OPCML: variants seen among roughly 807,000 people sequenced by gnomAD.
OPCML encodes the protein opioid binding protein/cell adhesion molecule like, also known as opioid-binding protein/cell adhesion molecule.
In OPCML, 13 loss-of-function variants were observed where a neutral mutation model predicts 37.8. The observed-to-expected ratio is 0.34, with a 90% CI of 0.22 to 0.55. The LOEUF is 0.55. Ranked by LOEUF, OPCML falls within the 20% of genes least tolerant of loss-of-function variation. The pLI is 0.91. For synonymous variants in OPCML, 176 were observed against 168.8 expected, an observed-to-expected ratio of 1.04 and a Z score of -0.33; for missense variants, 341 against 435.6, an observed-to-expected ratio of 0.78 and a Z score of 1.93.
In OPCML at chr11:133,479,593, G is replaced by A. The variant is rs140796947; in HGVS notation, c.61+52671C>T. The stretch of plus-strand genomic sequence containing the variant: ...TTCTTGCAGAGCTTGGAGGCAAGAA[G>A]GGCAGCACACCAAAGGAATCCTACA... On this transcript the variant is annotated intron_variant, in intron 1 of 7. Transcript: ENST00000524381. Among the ~76,000 whole-genome samples the A allele has an allele frequency of 2.4e-4, 36 of 152,290 alleles. 1 individual carries two copies. The East Asian group carries it at 7.0e-3, about 30-fold the overall frequency.
At position 133,421,552 on chromosome 11, in the gene OPCML, T is replaced by C. The variant is rs1001659103; in HGVS notation, c.61+110712A>G. On this transcript the variant is annotated intron_variant, in intron 1 of 7. Transcript: ENST00000524381. ...ATTGTTGCAAACTGTAGAGTTGGGA[T>C]TGTTGATTCAGCAACAGAGATAAAA... The C allele has an allele frequency of 1.3e-5, 13 of 985,348 alleles. No homozygotes were observed. In the African/African-American group the frequency reaches 2.1e-4, roughly 16 times the overall value. The allele number at this position is 985,348 out of a possible 1,614,324, so 61.0% of individuals were successfully genotyped here.
At chr11:132,655,557 G>A (rs1941663801) in intron 3 of OPCML, among the ~76,000 whole-genome samples, 1 of 152,248 alleles carries the variant, frequency 6.6e-6, no homozygotes, top group South Asian at 2.1e-4. Context: ...ATCTGTAGAT[G>A]TCTGTCGGAT....
intron 2 of OPCML, among the ~76,000 whole-genome samples, chr11:132,766,738 T>TA (rs1302751064): frequency 6.6e-6 from 1 of 151,848 alleles, no homozygotes; most frequent in African/African-American, 2.4e-5. Flanking sequence ...AGAAGAAGGC[T>TA]AAAACCATTA....
At chr11:132,879,187 A>G (rs888950430) in intron 2 of OPCML, among the ~76,000 whole-genome samples, 2 of 152,240 alleles carry the variant, frequency 1.3e-5, no homozygotes, top group Non-Finnish European at 2.9e-5. Flanking sequence ...TATTTCACAC[A>G]TATTTATAGA....
intron 1 of OPCML, among the ~76,000 whole-genome samples, chr11:133,054,340 G>T (rs913482422): frequency 2.6e-5 from 4 of 152,142 alleles, no homozygotes; most frequent in African/African-American, 9.7e-5. Context: ...TGTGGCACCT[G>T]CACCCTTTTC....
intron 1 of OPCML, among the ~76,000 whole-genome samples, chr11:133,397,473 C>T (rs974332925): frequency 1.3e-5 from 2 of 152,196 alleles, no homozygotes; most frequent in African/African-American, 4.8e-5. Flanking sequence ...GAGCGGACTT[C>T]AGATAGTCCT....
intron 3 of OPCML, among the ~76,000 whole-genome samples, chr11:132,588,777 T>C (rs1000524659): frequency 8.5e-5 from 13 of 152,200 alleles, no homozygotes; most frequent in African/African-American, 3.1e-4. Context: ...TGGCCACAGC[T>C]TCACCTGTAG....
chr11:133,166,228 A>G (rs1271705123), intron 1 of OPCML, among the ~76,000 whole-genome samples: 1 of 152,244 alleles, frequency 6.6e-6, no homozygotes, highest in Non-Finnish European at 1.5e-5. Flanking sequence ...TCAGTGCTCT[A>G]AATAAATTCT....
intron 1 of OPCML, among the ~76,000 whole-genome samples, chr11:133,255,288 A>G (rs919257228): frequency 6.6e-6 from 1 of 152,168 alleles, no homozygotes; most frequent in Non-Finnish European, 1.5e-5. Flanking sequence ...GGAGAGATTT[A>G]ATGATATTTT....
At chr11:132,713,781 G>A (rs1784182) in intron 2 of OPCML, among the ~76,000 whole-genome samples, 9,933 of 152,238 alleles carry the variant, frequency 0.065, 457 homozygotes, top group East Asian at 0.16. Flanking sequence ...TTTTGGGTAC[G>A]TTCTCCACCT....
In OPCML at chr11:132,982,636, C is replaced by T. The variant is rs545347443; in HGVS notation, c.62-39626G>A. On this transcript the variant is annotated intron_variant, in intron 1 of 7. Coordinates refer to ENST00000524381, the MANE Select transcript of OPCML (RefSeq NM_001012393.5). ...TTTGGATAAGTCACTTCACCCTTCA[C>T]CTTGGTTCCTCCTCTGAAATATAAG... Among the ~76,000 whole-genome samples, 3 of 152,236 alleles carry T rather than the reference C, an allele frequency of 2.0e-5. No homozygotes were observed. The South Asian group carries it at 6.2e-4, about 32-fold the overall frequency.
intron 1 of OPCML, among the ~76,000 whole-genome samples, chr11:133,137,141 GT>G (rs1949704787): frequency 6.6e-6 from 1 of 152,126 alleles, no homozygotes; most frequent in Admixed American, 6.5e-5. Flanking sequence ...GTTCTGGGAA[GT>G]GGGGGGCATT....
chr11:132,787,354 A>T (rs1267286693), intron 2 of OPCML, among the ~76,000 whole-genome samples: 1 of 152,210 alleles, frequency 6.6e-6, no homozygotes, highest in Non-Finnish European at 1.5e-5. Flanking sequence ...TACGGAATGA[A>T]GGTATTACAG....
intron 1 of OPCML, among the ~76,000 whole-genome samples, chr11:133,111,199 A>C (rs1275119897): frequency 3.9e-5 from 6 of 152,196 alleles, no homozygotes; most frequent in African/African-American, 1.4e-4. Flanking sequence ...AAAATGCACA[A>C]ATGTGCTATG....
At chr11:132,538,580 CG>C (rs1370544916) in intron 3 of OPCML, among the ~76,000 whole-genome samples, 1 of 152,172 alleles carries the variant, frequency 6.6e-6, no homozygotes, top group African/African-American at 2.4e-5. Flanking sequence ...CTGCATAAAA[CG>C]TTTATAAAAA....
chr11:133,322,197 T>G (rs1477754741), intron 1 of OPCML, among the ~76,000 whole-genome samples: 1 of 152,160 alleles, frequency 6.6e-6, no homozygotes, highest in African/African-American at 2.4e-5. Flanking sequence ...TTATCTATGC[T>G]CTGTTCTGAT....
At chr11:133,136,828 C>T (rs1456163666) in intron 1 of OPCML, among the ~76,000 whole-genome samples, 1 of 126,294 alleles carries the variant, frequency 7.9e-6, no homozygotes, top group Admixed American at 8.2e-5. Context: ...TCTATGTGCA[C>T]GTGTGTGTGT....
chr11:133,046,923 G>A (rs1948028069), intron 1 of OPCML, among the ~76,000 whole-genome samples: 1 of 150,594 alleles, frequency 6.6e-6, no homozygotes, highest in African/African-American at 2.5e-5. Context: ...GCCGGGGAGT[G>A]GAAGGGGATA....
At chr11:132,561,520 G>A (rs1375173259) in intron 3 of OPCML, among the ~76,000 whole-genome samples, 1 of 152,188 alleles carries the variant, frequency 6.6e-6, no homozygotes. Flanking sequence ...GGTCTTTTCA[G>A]GGCCTGGTCC....
Sources: gnomAD v4.1 joint callset for allele counts (sites outside exome capture counted in the v4.1 genomes callset) on GRCh38, gnomAD v4.1.1 for gene constraint, MANE v1.5 for transcripts, NCBI Gene and HGNC (gene_info 2026-07-23, HGNC 2026-07-21) for gene names.